NRP2: variants seen among roughly 807,000 people sequenced by gnomAD.
NRP2 encodes the protein neuropilin-2.
A neutral mutation model predicts 110.4 loss-of-function variants in NRP2; 52 were observed. That is an observed-to-expected ratio of 0.47 (90% CI 0.38 to 0.59). The LOEUF is 0.59. Among genes scored for constraint, NRP2 ranks in the 20% least tolerant of loss-of-function variants. The pLI, the probability that NRP2 is intolerant of heterozygous loss-of-function variation, is 0.00. For synonymous variants in NRP2, 508 were observed against 468.9 expected, an observed-to-expected ratio of 1.08 and a Z score of -1.08; for missense variants, 1,049 against 1,203.0, an observed-to-expected ratio of 0.87 and a Z score of 1.89.
intron 15 of NRP2, chr2:205,767,199 T>G (rs772906933): frequency 6.3e-6 from 2 of 319,678 alleles, no homozygotes; most frequent in Non-Finnish European, 1.2e-5. Context: ...GGCAATGATT[T>G]ATTTTAGCCT....
chr2:205,775,354 C>T (rs561225731), intron 15 of NRP2, among the ~76,000 whole-genome samples: 7 of 152,268 alleles, frequency 4.6e-5, no homozygotes, highest in Admixed American at 6.5e-5. Context: ...CCATAGCAAC[C>T]GGCAGCGGCC....
chr2:205,795,147 C>T lies in NRP2; in HGVS notation c.*89C>T, dbSNP rs2058341104. 1.6e-6 allele frequency: 2 copies of T among 1,261,820 alleles called. No individual in the cohort carries two copies. Among genetic ancestry groups the T allele is most frequent in the African/African-American group, 3.0e-5 (2 of 67,626 alleles). The allele number at this position is 1,261,820 out of a possible 1,614,324, so 78.2% of individuals were successfully genotyped here. A position where few individuals can be genotyped will look rare whatever the true frequency, so the allele number is the denominator to read the frequency against. ...TTTTTTTTCCTTTGGAAACTGAATG[C>T]CATAATCTCGATCAAACCGATCCAG... On this transcript the variant is annotated 3_prime_UTR_variant, in exon 17 of 17. Transcript: ENST00000357785.
intron 7 of NRP2, among the ~76,000 whole-genome samples, chr2:205,734,214 T>TGC (rs1395497352): frequency 6.7e-6 from 1 of 149,354 alleles, no homozygotes; most frequent in East Asian, 1.9e-4. Context: ...AGTATACACG[T>TGC]GCACACACAC....
rs1398387715 is a variant in NRP2 at position 205,740,551 on chromosome 2, G to A, written c.1179G>A (p.Val393=). 4.3e-6 allele frequency: 7 copies of A among 1,614,102 alleles called. No homozygotes were observed. In the African/African-American group the frequency reaches 6.7e-5, roughly 15 times the overall value. Residue 393 remains valine (V), a synonymous_variant, in exon 8 of 17, where the codon GTG becomes GTA. Coordinates refer to ENST00000357785, the MANE Select transcript of NRP2 (RefSeq NM_003872.3). ...VFQANNDATE[V]VLNKLHAPLL... is the part of the protein sequence containing the mutation. The stretch of plus-strand genomic sequence containing the variant: ...AAGCCAACAACGATGCAACTGAGGT[G>A]GTTCTGAACAAGCTCCACGCTCCAC...
chr2:205,688,289 T>G (rs2056222723), intron 1 of NRP2, among the ~76,000 whole-genome samples: 1 of 152,234 alleles, frequency 6.6e-6, no homozygotes, highest in Non-Finnish European at 1.5e-5. Flanking sequence ...TGAGATACCT[T>G]CCTTGAGTGG....
At position 205,787,809 on chromosome 2, in the gene NRP2, T is replaced by G. The variant is rs116198411; in HGVS notation, c.2426-4426T>G. 7.7e-3 allele frequency among the ~76,000 whole-genome samples: 1,165 copies of G among 152,002 alleles called. 18 individuals are homozygous for G. The highest frequency in any genetic ancestry group is 0.026 in the African/African-American group (1,094 of 41,420). Reference sequence around the variant, plus strand: ...AAAGGGCCATAAGAGAGGGCCTTCTTATTTGAGGACTAAATCATTCTCAGT... The same window carrying G: ...AAAGGGCCATAAGAGAGGGCCTTCTGATTTGAGGACTAAATCATTCTCAGT... On this transcript the variant is annotated intron_variant, in intron 15 of 16. Transcript: ENST00000357785.
chr2:205,720,953 C>G (rs921264654), intron 3 of NRP2, among the ~76,000 whole-genome samples: 2 of 152,174 alleles, frequency 1.3e-5, no homozygotes, highest in Non-Finnish European at 2.9e-5. Context: ...CTCGTGTGTT[C>G]CTAGTCCCTA....
At chr2:205,767,510 T>C in intron 15 of NRP2, 1 of 462,396 alleles carries the variant, frequency 2.2e-6, no homozygotes, top group Non-Finnish European at 4.3e-6. Context: ...GGACGTGTTC[T>C]CCCCCGAGAA....
intron 1 of NRP2, among the ~76,000 whole-genome samples, chr2:205,690,579 TACACACACACACACACACACAC>T (rs10591632): frequency 0.041 from 5,049 of 124,268 alleles, 327 homozygotes; most frequent in African/African-American, 0.14. Context: ...CTGCTAAAAA[TACACACACACACACACACACAC>T]ACACACACAC....
intron 1 of NRP2, among the ~76,000 whole-genome samples, chr2:205,690,918 C>T (rs1166045491): frequency 6.6e-6 from 1 of 152,160 alleles, no homozygotes; most frequent in Non-Finnish European, 1.5e-5. Flanking sequence ...TTATCCCAGA[C>T]AAGTTATTCA....
At chr2:205,792,121 T>A in intron 15 of NRP2, 114 bp from the exon 16 acceptor site, 1 of 748,154 alleles carries the variant, frequency 1.3e-6, no homozygotes, top group East Asian at 2.6e-5. Context: ...GTAGAGGTGA[T>A]TCTCTAGCTG....
chr2:205,715,101 G>A (rs2110875), intron 2 of NRP2, among the ~76,000 whole-genome samples: 57,909 of 152,046 alleles, frequency 0.38, 11,482 homozygotes, highest in Middle Eastern at 0.54. Flanking sequence ...ATGGTGCAGC[G>A]GCCAGCAGTT....
intron 2 of NRP2, among the ~76,000 whole-genome samples, chr2:205,706,750 ATGG>A (rs1485273547): frequency 6.6e-6 from 1 of 152,126 alleles, no homozygotes; most frequent in Non-Finnish European, 1.5e-5. Context: ...GCTGGGTTAA[ATGG>A]TGGGGTACTG....
intron 7 of NRP2, among the ~76,000 whole-genome samples, chr2:205,729,242 A>G (rs1350392660): frequency 6.6e-6 from 1 of 152,246 alleles, no homozygotes; most frequent in Non-Finnish European, 1.5e-5. Flanking sequence ...GTAACGGGGT[A>G]CCACTCATCT....
At chr2:205,745,618 G>T in intron 9 of NRP2, 128 bp from the exon 10 acceptor site, 1 of 997,974 alleles carries the variant, frequency 1.0e-6, no homozygotes, top group Non-Finnish European at 1.6e-6. Context: ...CCAGTGACCA[G>T]GAATCAACTA....
chr2:205,692,143 A>G (rs1277378537), intron 1 of NRP2, among the ~76,000 whole-genome samples: 2 of 152,126 alleles, frequency 1.3e-5, no homozygotes, highest in Non-Finnish European at 2.9e-5. Context: ...CCTTTTATTC[A>G]GATTTTGAAC....
chr2:205,767,474 T>G (rs1233195106), intron 15 of NRP2: 4 of 512,114 alleles, frequency 7.8e-6, no homozygotes, highest in Non-Finnish European at 1.6e-5. Context: ...CTAGAGCACT[T>G]TAAATGCAGG....
chr2:205,770,928 C>T (rs960389431), intron 15 of NRP2, among the ~76,000 whole-genome samples: 2 of 152,182 alleles, frequency 1.3e-5, no homozygotes, highest in African/African-American at 4.8e-5. Flanking sequence ...GCCACCTCTC[C>T]TGCTACAGAG....
intron 3 of NRP2, among the ~76,000 whole-genome samples, chr2:205,720,711 T>A (rs931114426): frequency 1.3e-5 from 2 of 152,240 alleles, no homozygotes; most frequent in African/African-American, 2.4e-5. Context: ...CCAGCTGGCT[T>A]GGCTTTGCTG....
Sources: allele counts gnomAD v4.1 joint callset (sites outside exome capture counted in the v4.1 genomes callset), GRCh38; gene constraint gnomAD v4.1.1; transcripts MANE v1.5; gene names NCBI Gene and HGNC (gene_info 2026-07-23, HGNC 2026-07-21).